The following RYR3 variants were observed in gnomAD, a reference collection of about 807,000 sequenced individuals.
The protein encoded by RYR3 is ryanodine receptor 3, also known as brain ryanodine receptor-calcium release channel.
A neutral mutation model predicts 584.3 loss-of-function variants in RYR3; 207 were observed. The ratio of observed to expected loss-of-function variants is 0.35; its 90% CI spans 0.32 to 0.40. RYR3 has a LOEUF of 0.40. Among genes scored for constraint, RYR3 ranks in the 10% least tolerant of loss-of-function variants. The probability of loss-of-function intolerance (pLI) is 1.00; values close to 1 mark genes in which losing one functional copy is unlikely to be tolerated. For synonymous variants in RYR3, 2,416 were observed against 2,248.5 expected (o/e 1.07, Z -2.11); for missense variants, 5,616 against 6,089.2 (o/e 0.92, Z 2.59).
chr15:33,598,627 G>A lies in RYR3; in HGVS notation c.1789-2792G>A, dbSNP rs572141444. On this transcript the variant is annotated intron_variant, in intron 16 of 103. Transcript: ENST00000634891. The stretch of plus-strand genomic sequence containing the variant: ...TAGACTGCTGTCTGCCAGCCTAGAA[G>A]CAGGACAAAAAAAAAAAACTCATCT... Among the ~76,000 whole-genome samples the A allele has an allele frequency of 2.0e-4, 28 of 141,416 alleles. 1 individual carries two copies. The South Asian group carries it at 6.1e-3, about 31-fold the overall frequency. 92.8% of individuals were successfully genotyped at this position (141,416 alleles called of 152,430 possible).
In RYR3 at chr15:33,728,968, T is replaced by C. The variant is rs1482540525; in HGVS notation, c.7145T>C (p.Leu2382Pro). Residue 2382 changes from leucine to proline, a missense_variant, in exon 47 of 104, where the codon CTC becomes CCC. This residue lies in a region of RYR3 where 1,280 missense variants were observed against 1,426.2 expected (regional missense o/e 0.90). Transcript: ENST00000634891. Reference protein sequence around the residue: ...VYGIKDQTFLLHLLEVGFLPD... With the variant: ...VYGIKDQTFLPHLLEVGFLPD... ...GGCATTAAGGATCAAACTTTTCTGC[T>C]CCACTTGCTGGAGGTTGGATTTTTA... 1.2e-6 allele frequency: 2 copies of C among 1,613,844 alleles called. No homozygotes were observed. The highest frequency in any genetic ancestry group is 1.3e-5 in the African/African-American group (1 of 74,938).
chr15:33,678,054 T>C (rs1456534833), intron 38 of RYR3, among the ~76,000 whole-genome samples: 1 of 152,190 alleles, frequency 6.6e-6, no homozygotes, highest in African/African-American at 2.4e-5. Flanking sequence ...GCCATCATCG[T>C]TGGGGAAATT....
chr15:33,503,415 TG>T (rs2052180092), intron 2 of RYR3, among the ~76,000 whole-genome samples: 1 of 152,200 alleles, frequency 6.6e-6, no homozygotes, highest in African/African-American at 2.4e-5. Context: ...CCTGACATGT[TG>T]GAAACTATTC....
chr15:33,809,682 C>G (rs1168929341), intron 70 of RYR3, among the ~76,000 whole-genome samples: 10 of 149,812 alleles, frequency 6.7e-5, no homozygotes, highest in African/African-American at 2.5e-4. Context: ...GTCACCCACG[C>G]TGTAGTGCCA....
intron 60 of RYR3, among the ~76,000 whole-genome samples, chr15:33,765,276 T>C (rs1274005685): frequency 6.6e-6 from 1 of 152,028 alleles, no homozygotes; most frequent in Non-Finnish European, 1.5e-5. Context: ...CTCTCTGTAT[T>C]TTATTAAAGA....
At position 33,311,278 on chromosome 15, in the gene RYR3, G is replaced by C. The variant is rs956243359; in HGVS notation, c.51+182G>C. On this transcript the variant is annotated intron_variant, in intron 1 of 103. Transcript: ENST00000634891. The surrounding 1 kb of genome is among the most constrained non-coding windows in gnomAD (Gnocchi z 4.4). ...CGCGGGGCCGCGAGGGGCTGCGTGG[G>C]AAGGGGCACCATCTCCTGCCTCTCC... is the stretch of plus-strand genomic sequence containing the variant. Among the ~76,000 whole-genome samples, 2 of 152,158 alleles carry C rather than the reference G, an allele frequency of 1.3e-5. No homozygotes were observed. The highest frequency in any genetic ancestry group is 2.9e-5 in the Non-Finnish European group (2 of 68,000).
chr15:33,520,086 G>T (rs1054654073), intron 3 of RYR3, among the ~76,000 whole-genome samples: 2 of 152,146 alleles, frequency 1.3e-5, no homozygotes, highest in African/African-American at 4.8e-5. Flanking sequence ...CATGTAAGTT[G>T]AAGAACTGCA....
intron 43 of RYR3, among the ~76,000 whole-genome samples, chr15:33,713,557 GCATTTAC>G (rs2067273396): frequency 6.6e-6 from 1 of 152,008 alleles, no homozygotes; most frequent in South Asian, 2.1e-4. Flanking sequence ...CACTTATTGA[GCATTTAC>G]CATGTGCCAG....
In RYR3 at chr15:33,416,374, T is replaced by A. The variant is rs370758825; in HGVS notation, c.52-57045T>A. 1.5e-4 allele frequency among the ~76,000 whole-genome samples: 23 copies of A among 152,360 alleles called. No homozygotes were observed. The East Asian group carries it at 3.1e-3, about 20-fold the overall frequency. ...AACCTTGCCAGTATCTGTTATTTTT[T>A]GACTTTTTAATAGTAGCCATTCTGA... On this transcript the variant is annotated intron_variant, in intron 1 of 103. Transcript: ENST00000634891.
chr15:33,341,213 A>G (rs748647605), intron 1 of RYR3, among the ~76,000 whole-genome samples: 1 of 151,880 alleles, frequency 6.6e-6, no homozygotes, highest in East Asian at 1.9e-4. Context: ...TAATTTTTGT[A>G]TTTTTAGTAG....
intron 18 of RYR3, among the ~76,000 whole-genome samples, chr15:33,607,693 A>G (rs2059974970): frequency 6.6e-6 from 1 of 152,196 alleles, no homozygotes; most frequent in Non-Finnish European, 1.5e-5. Flanking sequence ...TTCAGCCCTC[A>G]ATGCTATAAT....
rs546454762 is a variant in RYR3 at position 33,425,681 on chromosome 15, G to A, written c.52-47738G>A. Among the ~76,000 whole-genome samples, 8 of 138,880 alleles carry A rather than the reference G, an allele frequency of 5.8e-5. No homozygotes were observed. In the South Asian group the frequency reaches 1.1e-3, roughly 20 times the overall value. The allele number at this position is 138,880 out of a possible 152,430, so 91.1% of individuals were successfully genotyped here. A position where few individuals can be genotyped will look rare whatever the true frequency, so the allele number is the denominator to read the frequency against. On this transcript the variant is annotated intron_variant, in intron 1 of 103. Transcript: ENST00000634891. The stretch of plus-strand genomic sequence containing the variant: ...TTTTGAGATGGAGTCTCGCTCTGTG[G>A]CCCAGGCTGGAGTGAATTGCCGTGA...
chr15:33,318,152 G>A (rs1303617448), intron 1 of RYR3, among the ~76,000 whole-genome samples: 1 of 152,254 alleles, frequency 6.6e-6, no homozygotes, highest in African/African-American at 2.4e-5. Flanking sequence ...TCTGGAGACA[G>A]AGCTGCTGCT....
rs2068154772 is a variant in RYR3 at position 33,724,049 on chromosome 15, C to T, written c.6801-16C>T. On this transcript the variant is annotated splice_polypyrimidine_tract_variant and intron_variant, in intron 44 of 103. Coordinates refer to ENST00000634891, the MANE Select transcript of RYR3 (RefSeq NM_001036.6). ...TGCCAACCTTCCTCACACCTCCCCT[C>T]TGTTGGTTCTCTCAGCAGCACGGGG... 2 of 1,487,692 alleles carry T rather than the reference C, an allele frequency of 1.3e-6. No individual in the cohort carries two copies. Among genetic ancestry groups the T allele is most frequent in the Non-Finnish European group, 1.9e-6 (2 of 1,066,246 alleles). The allele number at this position is 1,487,692 out of a possible 1,614,324, so 92.2% of individuals were successfully genotyped here.
chr15:33,804,663 G>C (rs959433846), intron 69 of RYR3, among the ~76,000 whole-genome samples: 1 of 152,188 alleles, frequency 6.6e-6, no homozygotes, highest in African/African-American at 2.4e-5. Context: ...GCCATTTCTG[G>C]TATTTTTTGG....
At position 33,315,637 on chromosome 15, in the gene RYR3, G is replaced by A. The variant is rs372376410; in HGVS notation, c.51+4541G>A. On this transcript the variant is annotated intron_variant, in intron 1 of 103. Transcript: ENST00000634891. The stretch of plus-strand genomic sequence containing the variant: ...GCTTCTCAGAGCTGATCTGATTAAA[G>A]ACCCATATCAGCCGAGCTGGACACA... Among the ~76,000 whole-genome samples the A allele has an allele frequency of 7.9e-5, 12 of 152,332 alleles. No individual in the cohort carries two copies. In the East Asian group the frequency reaches 2.3e-3, roughly 29 times the overall value.
intron 102 of RYR3, among the ~76,000 whole-genome samples, chr15:33,862,464 C>G (rs192334535): frequency 5.9e-5 from 9 of 152,314 alleles, no homozygotes; most frequent in African/African-American, 2.2e-4. Context: ...ACCTTGGCCT[C>G]CCAGAGTGCT....
rs139921002 is a variant in RYR3 at position 33,622,264 on chromosome 15, G to T, written c.2358-1543G>T. Among the ~76,000 whole-genome samples, 523 of 152,268 alleles carry T rather than the reference G, an allele frequency of 3.4e-3. 5 individuals are homozygous for T. Among genetic ancestry groups the T allele is most frequent in the African/African-American group, 0.012 (501 of 41,556 alleles). On this transcript the variant is annotated intron_variant, in intron 19 of 103. Transcript: ENST00000634891. ...CAGCCCTACCACTCGGGCTCATGGT[G>T]TTCTCACCCACGCCACCCTCCTTTC...
intron 60 of RYR3, 85 bp from the exon 61 acceptor site, chr15:33,768,573 G>A (rs2073301221): frequency 2.6e-6 from 3 of 1,164,890 alleles, no homozygotes; most frequent in Admixed American, 1.7e-5. Flanking sequence ...CTGTTTCACA[G>A]TGTAAGGGAC....
Sources: gnomAD v4.1 joint callset for allele counts (sites outside exome capture counted in the v4.1 genomes callset) on GRCh38, gnomAD v4.1.1 for gene constraint, gnomAD v4.1.1 regional missense constraint, Gnocchi (gnomAD v3.1) non-coding constraint, MANE v1.5 for transcripts, NCBI Gene and HGNC (gene_info 2026-07-23, HGNC 2026-07-21) for gene names.